Variants in FAM135A observed in about 807,000 individuals in gnomAD.
The protein encoded by FAM135A is family with sequence similarity 135 member A.
FAM135A carries 79 observed loss-of-function variants against 146.8 expected under a neutral mutation model. The observed-to-expected ratio is 0.54, with a 90% CI of 0.45 to 0.65. The LOEUF is 0.65. FAM135A is among the 30% of genes least tolerant of loss of function. The pLI is 0.00. For missense variants in FAM135A, 1,623 were observed against 1,758.2 expected (o/e 0.92, Z 1.38); for synonymous variants, 562 against 603.6 (o/e 0.93, Z 1.01).
intron 5 of FAM135A, among the ~76,000 whole-genome samples, chr6:70,467,854 ATTC>A (rs1190984948): frequency 2.1e-4 from 32 of 152,096 alleles, no homozygotes; most frequent in Admixed American, 5.9e-4. Context: ...TAAGAACAAT[ATTC>A]TTCTTTTTTA....
intron 20 of FAM135A, among the ~76,000 whole-genome samples, chr6:70,555,727 A>G (rs931294090): frequency 6.6e-6 from 1 of 151,090 alleles, no homozygotes; most frequent in African/African-American, 2.5e-5. Context: ...TGTGAGAATG[A>G]AGGGGGGGGA....
At chr6:70,508,135 G>A (rs554684004) in intron 12 of FAM135A, among the ~76,000 whole-genome samples, 2 of 152,274 alleles carry the variant, frequency 1.3e-5, no homozygotes, top group East Asian at 3.9e-4. Flanking sequence ...TGTGCTTAGG[G>A]ATCCAAAATA....
chr6:70,543,410 A>C (rs575478785), intron 20 of FAM135A, among the ~76,000 whole-genome samples: 1 of 152,336 alleles, frequency 6.6e-6, no homozygotes, highest in South Asian at 2.1e-4. Context: ...TGTTGTTCTT[A>C]ATATGAGAAA....
At position 70,524,186 on chromosome 6, in the gene FAM135A, T is replaced by C. The variant is rs2747699; in HGVS notation, c.1258+65T>C. On this transcript the variant is annotated intron_variant, in intron 14 of 21. Transcript: ENST00000418814. Reference sequence around the variant, plus strand: ...AGTTTTCAGTATATTCTTCCTAATATACATAAAACCATTCCCTAATGTGGA... The same window carrying C: ...AGTTTTCAGTATATTCTTCCTAATACACATAAAACCATTCCCTAATGTGGA... 1.4e-3 allele frequency: 1,992 copies of C among 1,472,968 alleles called. 20 individuals carry two copies. In the African/African-American group the frequency reaches 0.026, roughly 19 times the overall value. 91.2% of individuals were successfully genotyped at this position (1,472,968 alleles called of 1,614,324 possible).
At chr6:70,500,481 G>A (rs1788242354) in intron 11 of FAM135A, among the ~76,000 whole-genome samples, 1 of 152,136 alleles carries the variant, frequency 6.6e-6, no homozygotes, top group Non-Finnish European at 1.5e-5. Context: ...GCCTCCTTCT[G>A]TCAATTCGTC....
At chr6:70,476,687 A>G (rs1782683212) in intron 7 of FAM135A, among the ~76,000 whole-genome samples, 1 of 152,176 alleles carries the variant, frequency 6.6e-6, no homozygotes, top group Admixed American at 6.5e-5. Flanking sequence ...AATATCTACA[A>G]TAAGATATGT....
chr6:70,466,707 C>A (rs1211609202), intron 5 of FAM135A, among the ~76,000 whole-genome samples: 1 of 152,180 alleles, frequency 6.6e-6, no homozygotes, highest in Non-Finnish European at 1.5e-5. Context: ...TCCTCCAACT[C>A]TCAGGAGCAG....
At chr6:70,428,237 A>G in intron 3 of FAM135A, 67 bp from the exon 4 acceptor site, 1 of 694,754 alleles carries the variant, frequency 1.4e-6, no homozygotes, top group Non-Finnish European at 2.3e-6. Context: ...ATGTATAAAT[A>G]ATAGCATTTT....
chr6:70,495,346 C>T (rs1786979423), intron 11 of FAM135A, among the ~76,000 whole-genome samples: 1 of 152,084 alleles, frequency 6.6e-6, no homozygotes, highest in Non-Finnish European at 1.5e-5. Context: ...CTCATTTATT[C>T]ACTTAGTAAC....
chr6:70,560,128 T>G lies in FAM135A; in HGVS notation c.*207T>G. The G allele has an allele frequency of 2.0e-6, 1 of 488,480 alleles. No individual in the cohort carries two copies. The highest frequency in any genetic ancestry group is 3.6e-6 in the Non-Finnish European group (1 of 280,898). The allele number at this position is 488,480 out of a possible 1,614,324, so 30.3% of individuals were successfully genotyped here. A position where few individuals can be genotyped will look rare whatever the true frequency, so the allele number is the denominator to read the frequency against. On this transcript the variant is annotated 3_prime_UTR_variant, in exon 22 of 22. Transcript: ENST00000418814. ...TGGCTGTGCAATATTTTTTTAATTT[T>G]ATCTTTTTACTTTTCTATTACTTTT...
chr6:70,516,979 C>T (rs1792420440), intron 12 of FAM135A, among the ~76,000 whole-genome samples: 1 of 152,102 alleles, frequency 6.6e-6, no homozygotes, highest in Non-Finnish European at 1.5e-5. Flanking sequence ...ATGAAGTTTG[C>T]ATTTTTAAGA....
At chr6:70,452,133 T>C (rs1166281655) in intron 4 of FAM135A, among the ~76,000 whole-genome samples, 1 of 152,062 alleles carries the variant, frequency 6.6e-6, no homozygotes, top group Non-Finnish European at 1.5e-5. Flanking sequence ...AAAATTACAT[T>C]ATAAGTAATT....
chr6:70,460,885 G>A (rs1211704912), intron 5 of FAM135A, among the ~76,000 whole-genome samples: 1 of 149,674 alleles, frequency 6.7e-6, no homozygotes, highest in Non-Finnish European at 1.5e-5. Flanking sequence ...TCACAATGGT[G>A]GGATCTCGGC....
chr6:70,540,727 A>G (rs1239507620), intron 20 of FAM135A, among the ~76,000 whole-genome samples: 1 of 151,798 alleles, frequency 6.6e-6, no homozygotes, highest in African/African-American at 2.4e-5. Context: ...TTCATGTATT[A>G]CTCTTTGTTT....
intron 11 of FAM135A, among the ~76,000 whole-genome samples, chr6:70,493,547 A>G (rs1256656218): frequency 6.6e-6 from 1 of 152,236 alleles, no homozygotes; most frequent in Non-Finnish European, 1.5e-5. Context: ...ATGGTGAGAT[A>G]CAAATTCTCA....
At chr6:70,530,637 C>T (rs1309810021) in intron 16 of FAM135A, among the ~76,000 whole-genome samples, 1 of 152,022 alleles carries the variant, frequency 6.6e-6, no homozygotes, top group Non-Finnish European at 1.5e-5. Flanking sequence ...CCTATAATCC[C>T]AGCTCCTTGG....
intron 5 of FAM135A, among the ~76,000 whole-genome samples, chr6:70,460,114 G>A (rs16869238): frequency 0.046 from 7,066 of 152,174 alleles, 366 homozygotes; most frequent in African/African-American, 0.11. Flanking sequence ...ACTTTTACCC[G>A]TGTCTCTAGT....
rs4141554 is a variant in FAM135A, at chr6:70,437,187, G to A, written c.77+8768G>A. On this transcript the variant is annotated intron_variant, in intron 4 of 21. Coordinates refer to ENST00000418814, the MANE Select transcript of FAM135A (RefSeq NM_001162529.3). ...AAGGATAAACTTAACTTATGGTTGA[G>A]TAGTACTTAACCCAGGGGCTACCCA... Among the ~76,000 whole-genome samples the A allele has an allele frequency of 5.5e-3, 840 of 152,218 alleles. 36 individuals are homozygous for A. In the East Asian group the frequency reaches 0.12, roughly 21 times the overall value.
chr6:70,551,547 G>A (rs1195351476), intron 20 of FAM135A, among the ~76,000 whole-genome samples: 2 of 152,192 alleles, frequency 1.3e-5, no homozygotes, highest in Non-Finnish European at 2.9e-5. Context: ...GGAGGTAGAG[G>A]CCGCAATGAG....
Sources: gnomAD v4.1 joint callset for allele counts (sites outside exome capture counted in the v4.1 genomes callset) on GRCh38, gnomAD v4.1.1 for gene constraint, MANE v1.5 for transcripts, NCBI Gene and HGNC (gene_info 2026-07-23, HGNC 2026-07-21) for gene names.